RPL23A: variants seen among roughly 807,000 people sequenced by gnomAD.
RPL23A encodes ribosomal protein L23a.
A neutral mutation model predicts 17.6 loss-of-function variants in RPL23A; 2 were observed. The observed-to-expected ratio is 0.11, with a 90% CI of 0.05 to 0.36. RPL23A has a LOEUF of 0.36. Among genes scored for constraint, RPL23A ranks in the 10% least tolerant of loss-of-function variants. The probability of loss-of-function intolerance (pLI) is 1.00; values close to 1 mark genes in which losing one functional copy is unlikely to be tolerated. For missense variants in RPL23A, 132 were observed against 194.4 expected (o/e 0.68, Z 1.91); for synonymous variants, 65 against 74.3 (o/e 0.87, Z 0.65).
At chr17:28,720,324 G>A (rs1230003185) in intron 1 of RPL23A, 2 of 1,550,844 alleles carry the variant, frequency 1.3e-6, no homozygotes, top group African/African-American at 1.4e-5. Context: ...CATGTCCCCG[G>A]GCCTGTAAGG....
At chr17:28,720,483 G>T (rs1377517173) in intron 1 of RPL23A, 1 of 1,590,224 alleles carries the variant, frequency 6.3e-7, no homozygotes, top group African/African-American at 1.3e-5. Context: ...CGTTCATTCA[G>T]TGCTACTTTG....
At position 28,722,965 on chromosome 17, in the gene RPL23A, T is replaced by C. The variant is rs573568801; in HGVS notation, c.386+66T>C. ...CAGTCTGGAGCCAAAAAAACCTGCA[T>C]TCCATGAAGCTTTTTGATGTTTAGG... On this transcript the variant is annotated intron_variant, in intron 3 of 4. Coordinates refer to ENST00000422514, the MANE Select transcript of RPL23A (RefSeq NM_000984.6). 3 of 1,287,308 alleles carry C rather than the reference T, an allele frequency of 2.3e-6. No individual in the cohort carries two copies. The South Asian group carries it at 3.6e-5, about 16-fold the overall frequency. The allele number at this position is 1,287,308 out of a possible 1,614,324, so 79.7% of individuals were successfully genotyped here. A position where few individuals can be genotyped will look rare whatever the true frequency, so the allele number is the denominator to read the frequency against.
Position 28,720,703 on chromosome 17 carries a change from C to G in RPL23A, c.26-4C>G, listed in dbSNP as rs775886750. 3.2e-5 allele frequency: 52 copies of G among 1,613,960 alleles called. No individual in the cohort carries two copies. The highest frequency in any genetic ancestry group is 3.9e-5 in the Non-Finnish European group (46 of 1,179,978). Reference sequence around the variant, plus strand: ...CACCCACGTTTTCTTTCCTTTTCTCCCAGCTCCTGCCCCTCCTAAAGCTGA... The same window carrying G: ...CACCCACGTTTTCTTTCCTTTTCTCGCAGCTCCTGCCCCTCCTAAAGCTGA... On this transcript the variant is annotated splice_polypyrimidine_tract_variant and splice_region_variant and intron_variant, in intron 1 of 4. Transcript: ENST00000422514.
chr17:28,721,179 C>G (rs1274182338), intron 2 of RPL23A: 2 of 281,374 alleles, frequency 7.1e-6, no homozygotes, highest in Admixed American at 4.8e-5. Flanking sequence ...ATGGAGAAAC[C>G]CCGCGTCTAT....
At chr17:28,721,530 C>G (rs1008631201) in intron 2 of RPL23A, 3 of 152,606 alleles carry the variant, frequency 2.0e-5, no homozygotes, top group Non-Finnish European at 4.4e-5. Context: ...TGGATTGATT[C>G]TTGATTGATA....
Position 28,720,493 on chromosome 17 carries a change from G to A in RPL23A, c.26-214G>A, listed in dbSNP as rs1384501224. 7.0e-6 allele frequency: 11 copies of A among 1,572,458 alleles called. No homozygotes were observed. The Admixed American group carries it at 1.5e-4, about 21-fold the overall frequency. ...TCAAGCGTTCATTCAGTGCTACTTTGTTTCATAGTCGTATCCCTGGAGTTA... is the reference window on the plus strand; with the variant it reads ...TCAAGCGTTCATTCAGTGCTACTTTATTTCATAGTCGTATCCCTGGAGTTA... On this transcript the variant is annotated intron_variant, in intron 1 of 4. Transcript: ENST00000422514.
Position 28,722,881 on chromosome 17 carries a change from A to G in RPL23A, c.368A>G (p.Lys123Arg), listed in dbSNP as rs1342694947. ...AAGCTGTATGACATTGATGTGGCCA[A>G]GGTCAACACCCTGATTCGGTGAGTT... ...VKKLYDIDVA[K>R]VNTLIRPDGE... Residue 123 changes from lysine to arginine, a missense_variant, in exon 3 of 5, where the codon AAG (lysine) becomes AGG (arginine). Around this residue, in one of 2 missense-constraint regions of RPL23A, gnomAD observed 69 missense variants for 145.5 expected, o/e 0.47. Coordinates refer to ENST00000422514, the MANE Select transcript of RPL23A (RefSeq NM_000984.6). 2 of 1,613,936 alleles carry G rather than the reference A, an allele frequency of 1.2e-6. No individual in the cohort carries two copies. Among genetic ancestry groups the G allele is most frequent in the Non-Finnish European group, 1.7e-6 (2 of 1,179,832 alleles).
rs2034167752 is a variant in RPL23A at position 28,724,127 on chromosome 17, T to C, written c.*246T>C. ...TCCTAGGAAAACCAGAACTCAGAAC[T>C]TGCCTCCATGGTTGAGTAACAAGCT... On this transcript the variant is annotated 3_prime_UTR_variant, in exon 5 of 5. Coordinates refer to ENST00000422514, the MANE Select transcript of RPL23A (RefSeq NM_000984.6). 5 of 510,684 alleles carry C rather than the reference T, an allele frequency of 9.8e-6. No individual in the cohort carries two copies. Among genetic ancestry groups the C allele is most frequent in the Non-Finnish European group, 1.7e-5 (5 of 295,096 alleles). The allele number at this position is 510,684 out of a possible 1,614,324, so 31.6% of individuals were successfully genotyped here.
intron 2 of RPL23A, 24 bp downstream of exon 2, chr17:28,720,914 T>C (rs1237029440): frequency 1.3e-6 from 2 of 1,594,442 alleles, no homozygotes; most frequent in East Asian, 4.5e-5. Flanking sequence ...CCTGTACCCA[T>C]GAAAAGATTT....
chr17:28,723,399 A>T (rs117865072), intron 3 of RPL23A, 172 bp from the exon 4 acceptor site: 1 of 769,682 alleles, frequency 1.3e-6, no homozygotes, highest in Non-Finnish European at 2.4e-6. Flanking sequence ...CCCATAAGAG[A>T]ATTGGCTTTG....
In RPL23A at chr17:28,723,567, C is replaced by T. The variant is rs916653573; in HGVS notation, c.387-4C>T. On this transcript the variant is annotated splice_polypyrimidine_tract_variant and splice_region_variant and intron_variant, in intron 3 of 4. Transcript: ENST00000422514. ...AGGGACTAAGGCTTCCTTCTCTACC[C>T]TAGGCCTGATGGAGAGAAGAAGGCA... The T allele has an allele frequency of 6.2e-6, 10 of 1,612,386 alleles. No homozygotes were observed. The highest frequency in any genetic ancestry group is 5.0e-5 in the Admixed American group (3 of 59,990).
At chr17:28,723,155 G>A in intron 3 of RPL23A, 1 of 540,274 alleles carries the variant, frequency 1.9e-6, no homozygotes, top group Middle Eastern at 4.9e-4. Context: ...TTTCAGCAGG[G>A]GAAAAAGGTT....
At chr17:28,720,226 G>GT (rs149264208) in intron 1 of RPL23A, 196 bp downstream of exon 1, 19 of 1,444,814 alleles carry the variant, frequency 1.3e-5, no homozygotes, top group South Asian at 3.8e-5. Context: ...AGAGGGAGTT[G>GT]GGGGGGGGCA....
At position 28,720,157 on chromosome 17, in the gene RPL23A, C is replaced by T. The variant is rs572440256; in HGVS notation, c.25+127C>T. ...TGCTCCGGGGCTGCTCCCTGCGTTTCGGACACGCTGCAGTATACGTGGGCC... is the reference window on the plus strand; with the variant it reads ...TGCTCCGGGGCTGCTCCCTGCGTTTTGGACACGCTGCAGTATACGTGGGCC... On this transcript the variant is annotated intron_variant, in intron 1 of 4. Coordinates refer to ENST00000422514, the MANE Select transcript of RPL23A (RefSeq NM_000984.6). 2.4e-5 allele frequency: 37 copies of T among 1,528,252 alleles called. No homozygotes were observed. In the Admixed American group the frequency reaches 4.4e-4, roughly 18 times the overall value. The allele number at this position is 1,528,252 out of a possible 1,614,324, so 94.7% of individuals were successfully genotyped here.
chr17:28,721,239 C>G (rs1361114679), intron 2 of RPL23A: 1 of 230,172 alleles, frequency 4.3e-6, no homozygotes, highest in Admixed American at 5.2e-5. Context: ...GTAATCCCAG[C>G]TACTCGCGGG....
At chr17:28,722,468 C>T (rs1333266036) in intron 2 of RPL23A, 1 of 603,702 alleles carries the variant, frequency 1.7e-6, no homozygotes, top group Non-Finnish European at 3.2e-6. Flanking sequence ...TGAGCCAGCA[C>T]ACCTGGCCCA....
rs1304350561 is a variant in RPL23A at position 28,721,123 on chromosome 17, G to T, written c.209+233G>T. The T allele has an allele frequency of 1.4e-5, 6 of 415,590 alleles. No homozygotes were observed. The Admixed American group carries it at 1.8e-4, about 13-fold the overall frequency. The allele number at this position is 415,590 out of a possible 1,614,324, so 25.7% of individuals were successfully genotyped here. ...TCCCAGCACTTTGGGAGGCCGAGGGGGGGCGGATCACTTGAGGTCAGGGGT... is the reference window on the plus strand; with the variant it reads ...TCCCAGCACTTTGGGAGGCCGAGGGTGGGCGGATCACTTGAGGTCAGGGGT... On this transcript the variant is annotated intron_variant, in intron 2 of 4. Coordinates refer to ENST00000422514, the MANE Select transcript of RPL23A (RefSeq NM_000984.6).
Position 28,720,005 on chromosome 17 carries a change from G to A in RPL23A, c.-1G>A, listed in dbSNP as rs565305140. 2.1e-5 allele frequency: 33 copies of A among 1,551,962 alleles called. No individual in the cohort carries two copies. The South Asian group carries it at 3.6e-4, about 17-fold the overall frequency. On this transcript the variant is annotated 5_prime_UTR_variant, in exon 1 of 5. Coordinates refer to ENST00000422514, the MANE Select transcript of RPL23A (RefSeq NM_000984.6). ...CGAGCATTGGAGACCCTTTTCACAA[G>A]ATGGCGCCGAAAGCGAAGAAGGAAG...
chr17:28,723,752 C>T (rs1411302835), intron 4 of RPL23A, 112 bp downstream of exon 4: 6 of 1,354,716 alleles, frequency 4.4e-6, no homozygotes, highest in African/African-American at 4.3e-5. Flanking sequence ...ACTGACTGCA[C>T]CCCTATCCTT....
Sources: allele counts gnomAD v4.1 joint callset, GRCh38; gene constraint gnomAD v4.1.1; regional missense constraint gnomAD v4.1.1; transcripts MANE v1.5; gene names NCBI Gene and HGNC (gene_info 2026-07-23, HGNC 2026-07-21).